The following CDH4 variants were observed in gnomAD, a reference collection of about 807,000 sequenced individuals.
CDH4 encodes cadherin-4.
A neutral mutation model predicts 86.0 loss-of-function variants in CDH4; 33 were observed. The observed-to-expected ratio is 0.38, with a 90% confidence interval of 0.29 to 0.51. CDH4 has a LOEUF of 0.51. Among genes scored for constraint, CDH4 ranks in the 20% least tolerant of loss-of-function variants. The probability of loss-of-function intolerance (pLI) is 0.86; values close to 1 mark genes in which losing one functional copy is unlikely to be tolerated. For missense variants in CDH4, 1,114 were observed against 1,307.4 expected (o/e 0.85, Z 2.28); for synonymous variants, 555 against 549.4 (o/e 1.01, Z -0.14).
chr20:61,391,185 C>G lies in CDH4; in HGVS notation c.169+136248C>G, dbSNP rs1265646416. ...AGAAAACACCCCCAAGATGTGCCCA[C>G]TCTGTGGTTTGCCAAGTAAGTGAGC... On this transcript the variant is annotated intron_variant, in intron 2 of 15. Transcript: ENST00000614565. 3.3e-5 allele frequency among the ~76,000 whole-genome samples: 5 copies of G among 152,068 alleles called. No homozygotes were observed. The East Asian group carries it at 5.8e-4, about 18-fold the overall frequency.
rs564464944 is a variant in CDH4, at chr20:61,926,222, G to A, written c.1771+1746G>A. On this transcript the variant is annotated intron_variant, in intron 11 of 15. Transcript: ENST00000614565. ...AGCTGCCCTTGGGACCAAGAGCTGT[G>A]GAACCAGAGGAGCAAGCACGGGAAG... 4.6e-5 allele frequency among the ~76,000 whole-genome samples: 7 copies of A among 152,322 alleles called. No homozygotes were observed. In the South Asian group the frequency reaches 1.0e-3, roughly 23 times the overall value.
chr20:61,325,990 C>A (rs1432104528), intron 2 of CDH4, among the ~76,000 whole-genome samples: 2 of 152,212 alleles, frequency 1.3e-5, no homozygotes, highest in African/African-American at 2.4e-5. Context: ...GGTTCAAACC[C>A]ATCAGGAAGT....
chr20:61,587,851 C>CA (rs1319313792), intron 2 of CDH4, among the ~76,000 whole-genome samples: 2 of 152,090 alleles, frequency 1.3e-5, no homozygotes, highest in African/African-American at 4.8e-5. Context: ...ACTGAAAACT[C>CA]AAAGTGTACA....
At chr20:61,636,696 G>T (rs1044173133) in intron 2 of CDH4, among the ~76,000 whole-genome samples, 2 of 152,174 alleles carry the variant, frequency 1.3e-5, no homozygotes, top group Non-Finnish European at 2.9e-5. Context: ...TTCTCCCAGC[G>T]CCTGGAGGCT....
intron 4 of CDH4, among the ~76,000 whole-genome samples, chr20:61,839,578 G>T (rs1432900816): frequency 1.3e-5 from 2 of 151,624 alleles, no homozygotes; most frequent in African/African-American, 4.9e-5. Flanking sequence ...GCATGTGTGT[G>T]TGACGTGTGT....
chr20:61,687,134 A>G (rs1185528668), intron 2 of CDH4, among the ~76,000 whole-genome samples: 1 of 152,176 alleles, frequency 6.6e-6, no homozygotes, highest in East Asian at 1.9e-4. Context: ...CACTGGCAAC[A>G]CTGAAGTGCG....
chr20:61,708,363 G>T lies in CDH4; in HGVS notation c.170-35200G>T, dbSNP rs556790631. 2.6e-5 allele frequency among the ~76,000 whole-genome samples: 4 copies of T among 151,998 alleles called. No individual in the cohort carries two copies. In the East Asian group the frequency reaches 7.8e-4, roughly 30 times the overall value. On this transcript the variant is annotated intron_variant, in intron 2 of 15. Transcript: ENST00000614565. The surrounding 1 kb of genome is among the most constrained non-coding windows in gnomAD (Gnocchi z 4.5). ...CCCCTCTGCCTCCTAACTGGGTTGG[G>T]GCACCACCCTCCACTCTCCACGTTG...
chr20:61,622,107 A>G (rs542587233), intron 2 of CDH4, among the ~76,000 whole-genome samples: 2 of 152,322 alleles, frequency 1.3e-5, no homozygotes, highest in East Asian at 3.9e-4. Flanking sequence ...ACTGAATGCC[A>G]GGGATATCAT....
intron 2 of CDH4, among the ~76,000 whole-genome samples, chr20:61,317,187 G>A (rs1304180376): frequency 6.6e-6 from 1 of 152,054 alleles, no homozygotes; most frequent in African/African-American, 2.4e-5. Flanking sequence ...GACCATCCTG[G>A]CTAACACGGT....
chr20:61,519,967 C>T (rs532459939), intron 2 of CDH4, among the ~76,000 whole-genome samples: 8 of 152,280 alleles, frequency 5.3e-5, no homozygotes, highest in East Asian at 1.9e-4. Flanking sequence ...CCCTGTTCCC[C>T]GAAAGGCTCA....
chr20:61,599,596 A>C (rs1041901114), intron 2 of CDH4, among the ~76,000 whole-genome samples: 1 of 152,234 alleles, frequency 6.6e-6, no homozygotes, highest in African/African-American at 2.4e-5. Context: ...AGATCAGTGC[A>C]GGAACATTTC....
At chr20:61,584,857 G>T (rs924750293) in intron 2 of CDH4, among the ~76,000 whole-genome samples, 9 of 29,282 alleles carry the variant, frequency 3.1e-4, no homozygotes. Context: ...CAGCTCTCCC[G>T]CACTGCACAC....
At chr20:61,935,625 C>G (rs1047374461) in intron 15 of CDH4, among the ~76,000 whole-genome samples, 17 of 151,980 alleles carry the variant, frequency 1.1e-4, no homozygotes, top group African/African-American at 3.6e-4. Flanking sequence ...GGCGTGGTGG[C>G]CTGTAATCCC....
At chr20:61,580,814 A>T (rs1176848669) in intron 2 of CDH4, among the ~76,000 whole-genome samples, 1 of 152,178 alleles carries the variant, frequency 6.6e-6, no homozygotes, top group Non-Finnish European at 1.5e-5. Flanking sequence ...GGCCGACCCC[A>T]GTCCCAACTG....
intron 2 of CDH4, among the ~76,000 whole-genome samples, chr20:61,686,614 T>A (rs1362772295): frequency 6.6e-6 from 1 of 151,602 alleles, no homozygotes; most frequent in Admixed American, 6.6e-5. Context: ...TGTGTGCATG[T>A]GTGTATCTGA....
At position 61,428,163 on chromosome 20, in the gene CDH4, C is replaced by T. The variant is rs754154; in HGVS notation, c.169+173226C>T. Among the ~76,000 whole-genome samples, 904 of 152,206 alleles carry T rather than the reference C, an allele frequency of 5.9e-3. 4 individuals are homozygous for T. Among genetic ancestry groups the T allele is most frequent in the Non-Finnish European group, 8.3e-3 (563 of 67,996 alleles). ...TGCTTCTGGGATTCTTAACTTGGGA[C>T]GGTGAGTTCATTCAAAGCCTATCTA... On this transcript the variant is annotated intron_variant, in intron 2 of 15. Coordinates refer to ENST00000614565, the MANE Select transcript of CDH4 (RefSeq NM_001794.5).
At chr20:61,903,609 T>C (rs2054753698) in intron 8 of CDH4, among the ~76,000 whole-genome samples, 1 of 150,800 alleles carries the variant, frequency 6.6e-6, no homozygotes, top group Non-Finnish European at 1.5e-5. Flanking sequence ...TTCCCATTTT[T>C]CTACCATGAG....
chr20:61,533,391 T>G (rs1300887398), intron 2 of CDH4, among the ~76,000 whole-genome samples: 1 of 152,204 alleles, frequency 6.6e-6, no homozygotes, highest in Non-Finnish European at 1.5e-5. Context: ...AACCCGCTGA[T>G]GTAAAGCTGC....
chr20:61,282,547 A>ATGTGTGTGTGTGTGTG lies in CDH4; in HGVS notation c.169+27620_169+27635dup, dbSNP rs71185912. On this transcript the variant is annotated intron_variant, in intron 2 of 15. Transcript: ENST00000614565. ...TTAATCTTTGGCATGGTGTGTGTGC[A>ATGTGTGTGTGTGTGTG]TGTGTGTGTGTGTGTGTGTGTGTGT... Among the ~76,000 whole-genome samples, 681 of 130,214 alleles carry ATGTGTGTGTGTGTGTG rather than the reference A, an allele frequency of 5.2e-3. 5 individuals carry two copies. Among genetic ancestry groups the ATGTGTGTGTGTGTGTG allele is most frequent in the African/African-American group, 0.018 (632 of 35,608 alleles). The allele number at this position is 130,214 out of a possible 152,430, so 85.4% of individuals were successfully genotyped here.
Sources: gnomAD v4.1 joint callset for allele counts (sites outside exome capture counted in the v4.1 genomes callset) on GRCh38, gnomAD v4.1.1 for gene constraint, Gnocchi (gnomAD v3.1) non-coding constraint, MANE v1.5 for transcripts, NCBI Gene and HGNC (gene_info 2026-07-23, HGNC 2026-07-21) for gene names.